Variants in MRLN observed in about 807,000 individuals in gnomAD.
MRLN encodes the protein myoregulin, also known as Linc-RNA activator of myogenesis.
At chr10:59,743,313 T>A (rs1346913498) in intron 1 of MRLN, among the ~76,000 whole-genome samples, 1 of 152,082 alleles carries the variant, frequency 6.6e-6, no homozygotes, top group East Asian at 1.9e-4. Context: ...TCATTACTGT[T>A]AGTCTTCCTC....
rs1374525771 is a variant in MRLN, at chr10:59,744,967, AC to A, written c.-124-6406del. The A allele has an allele frequency of 2.8e-5, 5 of 181,420 alleles. No individual in the cohort carries two copies. The Admixed American group carries it at 3.2e-4, about 12-fold the overall frequency. The allele number at this position is 181,420 out of a possible 1,614,324, so 11.2% of individuals were successfully genotyped here. A position where few individuals can be genotyped will look rare whatever the true frequency, so the allele number is the denominator to read the frequency against. ...ATCTCAAATACCCAGGGACACAAAC[AC>A]GGCCGAAGGCAGCAGGGCCCTCTGC... On this transcript the variant is annotated intron_variant, in intron 1 of 2. Coordinates refer to ENST00000414264, the MANE Select transcript of MRLN (RefSeq NM_001304731.2).
intron 1 of MRLN, among the ~76,000 whole-genome samples, chr10:59,742,190 C>T (rs1405152846): frequency 6.6e-6 from 1 of 152,058 alleles, no homozygotes; most frequent in African/African-American, 2.4e-5. Flanking sequence ...GCCATTAGTA[C>T]ACGGATAAAT....
At chr10:59,740,463 T>C (rs1840970380) in intron 1 of MRLN, among the ~76,000 whole-genome samples, 1 of 152,168 alleles carries the variant, frequency 6.6e-6, no homozygotes, top group Non-Finnish European at 1.5e-5. Flanking sequence ...CATGCTATTG[T>C]CCCTGAAGAC....
intron 1 of MRLN, among the ~76,000 whole-genome samples, chr10:59,742,105 A>G (rs960572552): frequency 1.3e-5 from 2 of 152,234 alleles, no homozygotes; most frequent in Non-Finnish European, 2.9e-5. Context: ...ATCCCCCACC[A>G]GAATGCATGG....
intron 1 of MRLN, among the ~76,000 whole-genome samples, chr10:59,745,507 C>T (rs1472801103): frequency 3.0e-5 from 4 of 133,490 alleles, no homozygotes; most frequent in African/African-American, 5.4e-5. Context: ...CCCCACCCCC[C>T]ACCATGTGAA....
chr10:59,742,297 A>G (rs1161069841), intron 1 of MRLN, among the ~76,000 whole-genome samples: 1 of 152,246 alleles, frequency 6.6e-6, no homozygotes, highest in Non-Finnish European at 1.5e-5. Context: ...ATACCATTGA[A>G]TTTTAAAATA....
At chr10:59,739,845 G>T (rs551110757) in intron 1 of MRLN, among the ~76,000 whole-genome samples, 1 of 152,342 alleles carries the variant, frequency 6.6e-6, no homozygotes, top group South Asian at 2.1e-4. Context: ...TGTAATCCCA[G>T]CACTTTGGGA....
intron 1 of MRLN, among the ~76,000 whole-genome samples, chr10:59,751,267 T>A (rs1386419955): frequency 1.3e-5 from 2 of 152,154 alleles, no homozygotes; most frequent in African/African-American, 2.4e-5. Flanking sequence ...TCCACAGAGC[T>A]TGGAACAAAG....
At chr10:59,740,829 C>G (rs1223410521) in intron 1 of MRLN, among the ~76,000 whole-genome samples, 1 of 144,976 alleles carries the variant, frequency 6.9e-6, no homozygotes, top group Admixed American at 7.0e-5. Flanking sequence ...CAGAGTCTCT[C>G]TCTTATCGCC....
intron 1 of MRLN, among the ~76,000 whole-genome samples, chr10:59,745,096 A>G (rs1030128643): frequency 3.9e-5 from 6 of 151,976 alleles, no homozygotes; most frequent in African/African-American, 1.5e-4. Flanking sequence ...AACACCCAAG[A>G]ATGATCAATA....
intron 1 of MRLN, among the ~76,000 whole-genome samples, chr10:59,751,352 C>T (rs1237078663): frequency 2.0e-5 from 3 of 152,052 alleles, no homozygotes; most frequent in African/African-American, 4.8e-5. Context: ...CTATTCTTCA[C>T]AAAGTCATTA....
chr10:59,744,424 G>A (rs912780977), intron 1 of MRLN, among the ~76,000 whole-genome samples: 16 of 151,444 alleles, frequency 1.1e-4, no homozygotes, highest in East Asian at 2.0e-4. Context: ...CCCTCCGCCC[G>A]GCAGCTGCCC....
At chr10:59,744,484 A>C (rs1205481000) in intron 1 of MRLN, among the ~76,000 whole-genome samples, 1 of 144,620 alleles carries the variant, frequency 6.9e-6, no homozygotes, top group African/African-American at 2.6e-5. Context: ...CCCGTCCGGG[A>C]GGTGGGGGGC....
intron 1 of MRLN, among the ~76,000 whole-genome samples, chr10:59,740,404 A>C (rs1564725240): frequency 6.6e-6 from 1 of 152,136 alleles, no homozygotes; most frequent in Non-Finnish European, 1.5e-5. Flanking sequence ...TAGGTCCTTG[A>C]GGTATTCCAG....
At chr10:59,745,403 C>G (rs1357439595) in intron 1 of MRLN, among the ~76,000 whole-genome samples, 2 of 151,930 alleles carry the variant, frequency 1.3e-5, no homozygotes, top group African/African-American at 4.8e-5. Flanking sequence ...AATGACATGA[C>G]CTTCCATTTC....
chr10:59,749,427 C>T (rs1841076456), intron 1 of MRLN, among the ~76,000 whole-genome samples: 1 of 152,162 alleles, frequency 6.6e-6, no homozygotes, highest in African/African-American at 2.4e-5. Context: ...GGCATGGTGG[C>T]TCACACCCGT....
At chr10:59,750,629 T>C (rs1246322564) in intron 1 of MRLN, among the ~76,000 whole-genome samples, 1 of 152,188 alleles carries the variant, frequency 6.6e-6, no homozygotes, top group East Asian at 1.9e-4. Context: ...GCACTGAACA[T>C]TACGAAATAT....
Position 59,737,164 on chromosome 10 carries a change from T to C in MRLN, c.37A>G (p.Thr13Ala). Residue 13 changes from threonine (T) to alanine (A), a missense_variant, in exon 3 of 3, where the codon ACT becomes GCT. Coordinates refer to ENST00000414264, the MANE Select transcript of MRLN (RefSeq NM_001304731.2). ...GKNWILISTT[T>A]PKSLEDEIVG... ...ATTTCATCTTCTAGACTTTTGGGAGTAGTAGTAGAAATTAATATCCAGTTT... is the reference window on the plus strand; with the variant it reads ...ATTTCATCTTCTAGACTTTTGGGAGCAGTAGTAGAAATTAATATCCAGTTT... 1 of 397,980 alleles carries C rather than the reference T, an allele frequency of 2.5e-6. No individual in the cohort carries two copies. The highest frequency in any genetic ancestry group is 4.4e-6 in the Non-Finnish European group (1 of 225,452). 24.7% of individuals were successfully genotyped at this position (397,980 alleles called of 1,614,324 possible).
chr10:59,738,299 C>T (rs1840944719), intron 2 of MRLN, 160 bp downstream of exon 2: 1 of 152,214 alleles, frequency 6.6e-6, no homozygotes, highest in South Asian at 2.1e-4. Context: ...TTCCTTCTCT[C>T]CAGAAACCTC....
Sources: allele counts gnomAD v4.1 joint callset (sites outside exome capture counted in the v4.1 genomes callset), GRCh38; gene constraint gnomAD v4.1.1; transcripts MANE v1.5; gene names NCBI Gene and HGNC (gene_info 2026-07-23, HGNC 2026-07-21).